ELN: variants seen among roughly 807,000 people sequenced by gnomAD.
ELN encodes tropoelastin.
In ELN, 65 loss-of-function variants were observed where a neutral mutation model predicts 105.8. That is an observed-to-expected ratio of 0.61 (90% CI 0.50 to 0.75). The LOEUF (loss-of-function observed/expected upper bound fraction) is 0.75. Among genes scored for constraint, ELN ranks in the 30% least tolerant of loss-of-function variants. ELN has a pLI of 0.00. For missense variants in ELN, 882 were observed against 969.4 expected, an observed-to-expected ratio of 0.91 and a Z score of 1.20; for synonymous variants, 368 against 389.2, an observed-to-expected ratio of 0.95 and a Z score of 0.64.
chr7:74,048,151 C>T lies in ELN; in HGVS notation c.695C>T (p.Pro232Leu). 3.1e-6 allele frequency: 5 copies of T among 1,613,936 alleles called. No homozygotes were observed. The highest frequency in any genetic ancestry group is 3.4e-6 in the Non-Finnish European group (4 of 1,179,968). The change falls in exon 14 of 33, where the codon CCC (proline) becomes CTC (leucine). Residue 232 changes from proline to leucine, a missense_variant. By Grantham distance (98) the Pro-to-Leu change is moderately conservative. Coordinates refer to ENST00000252034, the MANE Select transcript of ELN (RefSeq NM_000501.4). ...CCTCTCTGTTTTGCAGGCTATGGGC[C>T]CGGAGGAGTGGCTGGTGCAGCGGGC... ...TTGKLPYGYG[P>L]GGVAGAAGKA...
chr7:74,068,613 G>C, intron 32 of ELN, 44 bp from the exon 33 acceptor site: 1 of 1,613,644 alleles, frequency 6.2e-7, no homozygotes, highest in South Asian at 1.1e-5. Context: ...AGCCGAAACT[G>C]AGAGGGGCCG....
chr7:74,048,388 C>T, intron 14 of ELN, 115 bp from the exon 15 acceptor site: 1 of 1,541,328 alleles, frequency 6.5e-7, no homozygotes. Flanking sequence ...TACTCTGAAG[C>T]TCCCATGTAT....
Position 74,060,183 on chromosome 7 carries a change from C to T in ELN, c.1620C>T (p.Leu540=). ...SAAKVAAKAQ[L]RAAAGLGAGI... ...CCAAGGTGGCTGCCAAAGCCCAGCT[C>T]CGTGAGTGCCTCGCCCACCTTTCTC... Residue 540 remains leucine, a splice_region_variant and synonymous_variant, in exon 24 of 33, where the codon CTC becomes CTT. Coordinates refer to ENST00000252034, the MANE Select transcript of ELN (RefSeq NM_000501.4). 6.2e-7 allele frequency: 1 copy of T among 1,614,116 alleles called. No homozygotes were observed. The highest frequency in any genetic ancestry group is 8.5e-7 in the Non-Finnish European group (1 of 1,180,034).
intron 1 of ELN, among the ~76,000 whole-genome samples, chr7:74,031,639 A>G (rs1554662259): frequency 6.6e-6 from 1 of 152,124 alleles, no homozygotes; most frequent in African/African-American, 2.4e-5. Context: ...AAATGGGGCC[A>G]GGTGCAGTGA....
In ELN at chr7:74,028,339, G is replaced by A. The variant is rs939705326; in HGVS notation, c.82+70G>A. ...GGCCCTTTGGGCCAGGTGACTAGAC[G>A]CTCAAGGGGGAGACCTTCGTCCCTG... On this transcript the variant is annotated intron_variant, in intron 1 of 32. Transcript: ENST00000252034. The A allele has an allele frequency of 2.7e-5, 41 of 1,518,774 alleles. No homozygotes were observed. In the Middle Eastern group the frequency reaches 9.0e-4, roughly 33 times the overall value. The allele number at this position is 1,518,774 out of a possible 1,614,324, so 94.1% of individuals were successfully genotyped here.
At chr7:74,068,150 G>A (rs1418471962) in intron 32 of ELN, among the ~76,000 whole-genome samples, 2 of 152,102 alleles carry the variant, frequency 1.3e-5, no homozygotes, top group Non-Finnish European at 2.9e-5. Context: ...CCAGGAGGGG[G>A]TAGGAATCCT....
chr7:74,053,856 T>C (rs563956333), intron 18 of ELN, among the ~76,000 whole-genome samples: 1 of 149,998 alleles, frequency 6.7e-6, no homozygotes, highest in Non-Finnish European at 1.5e-5. Context: ...GATGGATAGG[T>C]GAGTGGATGG....
chr7:74,037,994 A>G (rs1247173510), intron 4 of ELN: 6 of 527,874 alleles, frequency 1.1e-5, no homozygotes, highest in African/African-American at 1.9e-5. Context: ...CATCTACCCT[A>G]CATGTGCATG....
At chr7:74,065,856 G>A in intron 30 of ELN, 88 bp from the exon 31 acceptor site, 3 of 1,612,538 alleles carry the variant, frequency 1.9e-6, no homozygotes, top group Non-Finnish European at 2.5e-6. Context: ...TCTTGTCTGG[G>A]ACATTCCTTA....
intron 4 of ELN, among the ~76,000 whole-genome samples, 193 bp from the exon 5 acceptor site, chr7:74,041,023 C>G (rs781805297): frequency 6.6e-6 from 1 of 152,194 alleles, no homozygotes; most frequent in East Asian, 1.9e-4. Context: ...GACACCTGCA[C>G]TGCACATAGT....
Position 74,051,983 on chromosome 7 carries a change from G to A in ELN, c.949G>A (p.Gly317Arg). The A allele has an allele frequency of 6.2e-7, 1 of 1,613,276 alleles. No homozygotes were observed. The highest frequency in any genetic ancestry group is 8.5e-7 in the Non-Finnish European group (1 of 1,180,032). Residue 317 changes from glycine to arginine, a missense_variant and splice_region_variant, in exon 17 of 33, where the codon GGA becomes AGA. Coordinates refer to ENST00000252034, the MANE Select transcript of ELN (RefSeq NM_000501.4). ...AGCAGCCGCTAAGGCAGCCAAGTAT[G>A]GTGAGTGCCTCCCGGGGTGGCAAGT... ...AAAAAKAAKY[G>R]AAAGLVPGGP...
intron 29 of ELN, among the ~76,000 whole-genome samples, chr7:74,064,154 C>G: frequency 6.6e-6 from 1 of 151,434 alleles, no homozygotes; most frequent in East Asian, 1.9e-4. Flanking sequence ...CATGGTGGCT[C>G]ACGCCTGTGA....
chr7:74,064,522 A>G (rs1222815219), intron 29 of ELN, among the ~76,000 whole-genome samples: 1 of 151,840 alleles, frequency 6.6e-6, no homozygotes, highest in Non-Finnish European at 1.5e-5. Flanking sequence ...AGCCTGAGAC[A>G]GGAGAATCAC....
intron 18 of ELN, among the ~76,000 whole-genome samples, chr7:74,053,855 G>A (rs1195515027): frequency 6.6e-6 from 1 of 151,660 alleles, no homozygotes; most frequent in East Asian, 1.9e-4. Context: ...GGATGGATAG[G>A]TGAGTGGATG....
chr7:74,068,395 G>A (rs1554690423), intron 32 of ELN, among the ~76,000 whole-genome samples: 4 of 152,188 alleles, frequency 2.6e-5, no homozygotes, highest in Admixed American at 1.3e-4. Context: ...GCCAGGCCCC[G>A]TCCTTCCCCA....
At position 74,068,851 on chromosome 7, in the gene ELN, G is replaced by C. The variant is rs1039608276; in HGVS notation, c.*151G>C. 3 of 939,408 alleles carry C rather than the reference G, an allele frequency of 3.2e-6. No individual in the cohort carries two copies. Among genetic ancestry groups the C allele is most frequent in the Non-Finnish European group, 5.1e-6 (3 of 593,152 alleles). The allele number at this position is 939,408 out of a possible 1,614,324, so 58.2% of individuals were successfully genotyped here. On this transcript the variant is annotated 3_prime_UTR_variant, in exon 33 of 33. Transcript: ENST00000252034. ...CCGGGCGGCCTTGCAGATCCACAGG[G>C]CAAGGAAACAAGAGGGGAGCGGCCA...
At chr7:74,061,063 C>G in intron 25 of ELN, 38 bp from the exon 26 acceptor site, 1 of 1,613,826 alleles carries the variant, frequency 6.2e-7, no homozygotes, top group South Asian at 1.1e-5. Flanking sequence ...GCACAGAGCT[C>G]GGCTCCTGAC....
chr7:74,032,194 C>A (rs554179230), intron 1 of ELN, among the ~76,000 whole-genome samples: 3 of 152,160 alleles, frequency 2.0e-5, no homozygotes, highest in Non-Finnish European at 2.9e-5. Flanking sequence ...CAAGTTCCAC[C>A]CTGGGCTAGT....
At chr7:74,067,885 A>AG (rs1798296645) in intron 32 of ELN, among the ~76,000 whole-genome samples, 1 of 137,856 alleles carries the variant, frequency 7.3e-6, no homozygotes, top group African/African-American at 2.8e-5. Context: ...CTGAGACTAC[A>AG]CCACTGCCCT....
Sources: gnomAD v4.1 joint callset for allele counts (sites outside exome capture counted in the v4.1 genomes callset) on GRCh38, gnomAD v4.1.1 for gene constraint, MANE v1.5 for transcripts, NCBI Gene and HGNC (gene_info 2026-07-23, HGNC 2026-07-21) for gene names.